Variants in BCDIN3D observed in about 807,000 individuals in gnomAD.
BCDIN3D encodes the protein BCDIN3 domain containing RNA methyltransferase.
A neutral mutation model predicts 21.2 loss-of-function variants in BCDIN3D; 15 were observed. That is an observed-to-expected ratio of 0.71 (90% CI 0.47 to 1.09). The LOEUF (loss-of-function observed/expected upper bound fraction) is 1.09, where lower values mean the gene tolerates loss of function less well. Among genes scored for constraint, BCDIN3D ranks in the 50% least tolerant of loss-of-function variants. The pLI is 0.00. For missense variants in BCDIN3D, 331 were observed against 366.2 expected (o/e 0.90, Z 0.79); for synonymous variants, 127 against 141.9 (o/e 0.90, Z 0.75).
intron 1 of BCDIN3D, among the ~76,000 whole-genome samples, chr12:49,841,667 TCTC>T (rs1200522147): frequency 6.6e-6 from 1 of 152,156 alleles, no homozygotes; most frequent in Non-Finnish European, 1.5e-5. Context: ...CATCAACCCA[TCTC>T]CTCATTCCAG....
intron 1 of BCDIN3D, chr12:49,840,575 T>G (rs552063706): frequency 6.6e-6 from 1 of 152,438 alleles, no homozygotes; most frequent in South Asian, 2.0e-4. Context: ...TGGAGTACAG[T>G]GGTGTGATCA....
rs1306187682 is a variant in BCDIN3D, at chr12:49,839,008, C to T, written c.242G>A (p.Ser81Asn). Residue 81 changes from serine to asparagine, a missense_variant, in exon 2 of 2, where the codon AGT becomes AAT. Physicochemically the swap from Ser to Asn is conservative, Grantham distance 46. Coordinates refer to ENST00000333924, the MANE Select transcript of BCDIN3D (RefSeq NM_181708.3). ...GAGGAAGTGTTTGTATAGAGCCACA[C>T]TCAGATCCTAGAGGAATCCAAAACA... ...LDVGCNSGDL[S>N]VALYKHFLSL... 2.5e-6 allele frequency: 4 copies of T among 1,612,276 alleles called. No individual in the cohort carries two copies. Among genetic ancestry groups the T allele is most frequent in the East Asian group, 4.5e-5 (2 of 44,860 alleles).
At position 49,838,716 on chromosome 12, in the gene BCDIN3D, G is replaced by T. The variant is rs762158994; in HGVS notation, c.534C>A (p.Gly178=). ...MWIHLNHGDH[G]LWEFLAHLSS... ...AAAGATGGGCCAGGAACTCCCATAG[G>T]CCATGGTCTCCATGATTCAGATGAA... is the stretch of plus-strand genomic sequence containing the variant. Residue 178 remains glycine, a synonymous_variant, in exon 2 of 2, where the codon GGC becomes GGA. Coordinates refer to ENST00000333924, the MANE Select transcript of BCDIN3D (RefSeq NM_181708.3). The T allele has an allele frequency of 6.2e-7, 1 of 1,614,190 alleles. No individual in the cohort carries two copies. Among genetic ancestry groups the T allele is most frequent in the Non-Finnish European group, 8.5e-7 (1 of 1,180,028 alleles).
At chr12:49,839,202 G>A (rs1386822219) in intron 1 of BCDIN3D, 187 bp from the exon 2 acceptor site, 1 of 599,260 alleles carries the variant, frequency 1.7e-6, no homozygotes, top group East Asian at 2.8e-5. Context: ...CCCTCCAGGG[G>A]TCACATGCTG....
Position 49,836,789 on chromosome 12 carries a change from G to T in BCDIN3D, c.*1582C>A, listed in dbSNP as rs1431310026. Reference sequence around the variant, plus strand: ...TGCGGCATGCTCACACAGTGTAATAGCACCTTATTTTTCTTTATCACTCTA... The same window carrying T: ...TGCGGCATGCTCACACAGTGTAATATCACCTTATTTTTCTTTATCACTCTA... On this transcript the variant is annotated 3_prime_UTR_variant, in exon 2 of 2. Coordinates refer to ENST00000333924, the MANE Select transcript of BCDIN3D (RefSeq NM_181708.3). The T allele has an allele frequency of 6.6e-6, 1 of 152,184 alleles. No homozygotes were observed. Among genetic ancestry groups the T allele is most frequent in the Admixed American group, 6.6e-5 (1 of 15,264 alleles). The allele number at this position is 152,184 out of a possible 1,614,324, so 9.4% of individuals were successfully genotyped here.
Position 49,838,144 on chromosome 12 carries a change from C to T in BCDIN3D, c.*227G>A. 3 of 510,062 alleles carry T rather than the reference C, an allele frequency of 5.9e-6. No homozygotes were observed. Among genetic ancestry groups the T allele is most frequent in the Non-Finnish European group, 1.0e-5 (3 of 289,726 alleles). 31.6% of individuals were successfully genotyped at this position (510,062 alleles called of 1,614,324 possible). ...CAGGACCACTTTTCCTAGGCCATCT[C>T]AATCCAGATATCCTAGCTCATCACT... is the stretch of plus-strand genomic sequence containing the variant. On this transcript the variant is annotated 3_prime_UTR_variant, in exon 2 of 2. Transcript: ENST00000333924.
Position 49,838,899 on chromosome 12 carries a change from C to T in BCDIN3D, c.351G>A (p.Lys117=), listed in dbSNP as rs759074486. 1.5e-5 allele frequency: 24 copies of T among 1,614,096 alleles called. No individual in the cohort carries two copies. The highest frequency in any genetic ancestry group is 3.3e-4 in the Middle Eastern group (2 of 6,084). The change falls in exon 2 of 2, where the codon AAG becomes AAA. Residue 117 remains lysine, a synonymous_variant. Transcript: ENST00000333924. ...LCCDIDPVLV[K]RAEKECPFPD... is the part of the protein sequence containing the mutation. ...GAAAAGGACATTCTTTTTCGGCTCG[C>T]TTCACCAGGACTGGATCTATGTCGC... is the stretch of plus-strand genomic sequence containing the variant.
Position 49,838,243 on chromosome 12 carries a change from T to G in BCDIN3D, c.*128A>C, listed in dbSNP as rs889675141. On this transcript the variant is annotated 3_prime_UTR_variant, in exon 2 of 2. Transcript: ENST00000333924. ...TACTGATTCTTTCAATTATGTGCCT[T>G]GGACATTTTACCAAAAGCTCCTGCC... 29 of 903,964 alleles carry G rather than the reference T, an allele frequency of 3.2e-5. No homozygotes were observed. The highest frequency in any genetic ancestry group is 3.1e-4 in the Middle Eastern group (1 of 3,192). The allele number at this position is 903,964 out of a possible 1,614,324, so 56.0% of individuals were successfully genotyped here.
chr12:49,838,447 ATGGTT>A lies in BCDIN3D; in HGVS notation c.798_802del (p.Gln266HisfsTer8), dbSNP rs1946526091. On this transcript the variant is annotated frameshift_variant, in exon 2 of 2. Coordinates refer to ENST00000333924, the MANE Select transcript of BCDIN3D (RefSeq NM_181708.3). LOFTEE classifies it high-confidence loss of function. ...TGATTCAGGGATTGGATGAGTCTCTATGGTTTGTTTTGCCCTGAAGAGCAGAAGGC... is the reference window on the plus strand; with the variant it reads ...TGATTCAGGGATTGGATGAGTCTCTATGTTTTGCCCTGAAGAGCAGAAGGC... 1.2e-6 allele frequency: 2 copies of A among 1,613,434 alleles called. No homozygotes were observed. The highest frequency in any genetic ancestry group is 3.3e-5 in the Admixed American group (2 of 60,004).
rs1465846977 is a variant in BCDIN3D at position 49,837,273 on chromosome 12, G to GTTTTTTTTT, written c.*1089_*1097dup. ...GGGGACCATAAGCATGTAGGTAGTT[G>GTTTTTTTTT]TTTTTTTTTTTGTTTTTTTTTTTTT... On this transcript the variant is annotated 3_prime_UTR_variant, in exon 2 of 2. Transcript: ENST00000333924. The GTTTTTTTTT allele has an allele frequency of 2.5e-4, 31 of 122,782 alleles. 6 individuals carry two copies. The highest frequency in any genetic ancestry group is 8.8e-4 in the African/African-American group (29 of 32,932). 7.6% of individuals were successfully genotyped at this position (122,782 alleles called of 1,614,324 possible). A position where few individuals can be genotyped will look rare whatever the true frequency, so the allele number is the denominator to read the frequency against.
At position 49,837,289 on chromosome 12, in the gene BCDIN3D, T is replaced by TG. The variant is rs1441100293; in HGVS notation, c.*1081_*1082insC. On this transcript the variant is annotated 3_prime_UTR_variant, in exon 2 of 2. Coordinates refer to ENST00000333924, the MANE Select transcript of BCDIN3D (RefSeq NM_181708.3). The stretch of plus-strand genomic sequence containing the variant: ...TAGGTAGTTGTTTTTTTTTTTGTTT[T>TG]TTTTTTTTTTTTTTTTGAGACGGAG... 1.5e-5 allele frequency: 2 copies of TG among 137,114 alleles called. No homozygotes were observed. The highest frequency in any genetic ancestry group is 2.5e-4 in the South Asian group (1 of 3,990). 8.5% of individuals were successfully genotyped at this position (137,114 alleles called of 1,614,324 possible).
At position 49,838,645 on chromosome 12, in the gene BCDIN3D, C is replaced by A. The variant is rs1565603454; in HGVS notation, c.605G>T (p.Cys202Phe). 1 of 1,613,838 alleles carries A rather than the reference C, an allele frequency of 6.2e-7. No individual in the cohort carries two copies. Among genetic ancestry groups the A allele is most frequent in the African/African-American group, 1.3e-5 (1 of 75,004 alleles). Residue 202 changes from cysteine to phenylalanine, a missense_variant, in exon 2 of 2, where the codon TGT (cysteine) becomes TTT (phenylalanine). Transcript: ENST00000333924. ...YLLVEPQPWK[C>F]YRAAARRLRK... ...GAGACGCCTTGCAGCTGCCCGGTAA[C>A]ACTTCCAGGGTTGGGGCTCCACAAG...
rs1416564571 is a variant in BCDIN3D at position 49,836,637 on chromosome 12, T to G, written c.*1734A>C. The G allele has an allele frequency of 6.6e-6, 1 of 152,240 alleles. No homozygotes were observed. Among genetic ancestry groups the G allele is most frequent in the Non-Finnish European group, 1.5e-5 (1 of 68,040 alleles). The allele number at this position is 152,240 out of a possible 1,614,324, so 9.4% of individuals were successfully genotyped here. A position where few individuals can be genotyped will look rare whatever the true frequency, so the allele number is the denominator to read the frequency against. On this transcript the variant is annotated 3_prime_UTR_variant, in exon 2 of 2. Coordinates refer to ENST00000333924, the MANE Select transcript of BCDIN3D (RefSeq NM_181708.3). ...CTTCCTTTAAAATGCTCTGTAGCAC[T>G]GAAGCTGGACTCCTTATTACTTCAT...
At chr12:49,839,221 C>T (rs986898757) in intron 1 of BCDIN3D, 4 of 562,604 alleles carry the variant, frequency 7.1e-6, no homozygotes, top group Non-Finnish European at 1.3e-5. Context: ...TGTAATGCAT[C>T]ATCCCCATAT....
At chr12:49,840,730 C>T (rs1471274380) in intron 1 of BCDIN3D, 1 of 148,260 alleles carries the variant, frequency 6.7e-6, no homozygotes, top group Non-Finnish European at 1.5e-5. Context: ...AGGCTGATCT[C>T]AAACTCCCGA....
chr12:49,841,842 G>A (rs1172343381), intron 1 of BCDIN3D, among the ~76,000 whole-genome samples: 1 of 152,190 alleles, frequency 6.6e-6, no homozygotes, highest in Non-Finnish European at 1.5e-5. Flanking sequence ...GCGCAGAGAG[G>A]GTACTAACTT....
chr12:49,840,573 AG>A (rs1946545265), intron 1 of BCDIN3D: 1 of 152,314 alleles, frequency 6.6e-6, no homozygotes, highest in Admixed American at 6.6e-5. Context: ...GCTGGAGTAC[AG>A]TGGTGTGATC....
Position 49,842,849 on chromosome 12 carries a change from CTCACCCCGGAGTT to C in BCDIN3D, c.226_234+4del. The C allele has an allele frequency of 6.3e-7, 1 of 1,587,864 alleles. No individual in the cohort carries two copies. The highest frequency in any genetic ancestry group is 8.6e-7 in the Non-Finnish European group (1 of 1,165,828). ...GGATGCTCCAATCCCTCCCCTGTCA[CTCACCCCGGAGTT>C]ACACCCCACGTCGAGCCCCAGAATC... On this transcript the variant is annotated splice_donor_variant and splice_donor_region_variant and coding_sequence_variant and intron_variant, in exon 1 of 2. Transcript: ENST00000333924. LOFTEE classifies it high-confidence loss of function.
At chr12:49,839,089 C>T (rs1011859741) in intron 1 of BCDIN3D, 74 bp from the exon 2 acceptor site, 7 of 1,454,118 alleles carry the variant, frequency 4.8e-6, no homozygotes, top group Admixed American at 3.9e-5. Context: ...TATCATTCTC[C>T]CACTGAGAAT....
Sources: allele counts gnomAD v4.1 joint callset (sites outside exome capture counted in the v4.1 genomes callset), GRCh38; gene constraint gnomAD v4.1.1; transcripts MANE v1.5; gene names NCBI Gene and HGNC (gene_info 2026-07-23, HGNC 2026-07-21).